LEKR1: variants seen among roughly 807,000 people sequenced by gnomAD.
The protein encoded by LEKR1 is leucine, glutamate and lysine rich 1.
Under a neutral mutation model 72.4 loss-of-function variants are expected in LEKR1, and 59 were observed. That is an observed-to-expected ratio of 0.82 (90% confidence interval 0.66 to 1.01). LEKR1 has a LOEUF of 1.01. LEKR1 is among the 50% of genes least tolerant of loss of function. The pLI is 0.00. For synonymous variants in LEKR1, 257 were observed against 263.2 expected, an observed-to-expected ratio of 0.98 and a Z score of 0.23; for missense variants, 728 against 759.2, an observed-to-expected ratio of 0.96 and a Z score of 0.48.
intron 3 of LEKR1, among the ~76,000 whole-genome samples, chr3:156,913,540 C>T (rs1431010477): frequency 2.1e-4 from 32 of 152,096 alleles, no homozygotes; most frequent in Admixed American, 2.1e-3. Context: ...AATTAACTTT[C>T]CCTGAAAGAA....
At chr3:156,891,040 T>G (rs908677948) in intron 3 of LEKR1, among the ~76,000 whole-genome samples, 1 of 150,900 alleles carries the variant, frequency 6.6e-6, no homozygotes, top group African/African-American at 2.4e-5. Flanking sequence ...TTTTTTTTTT[T>G]TTGTATTTTT....
chr3:156,972,051 T>C (rs1051277647), intron 6 of LEKR1, among the ~76,000 whole-genome samples: 2 of 152,198 alleles, frequency 1.3e-5, no homozygotes, highest in African/African-American at 4.8e-5. Context: ...TGTATGTTTA[T>C]TGCGGCACTA....
At chr3:156,982,736 C>T (rs1730305589) in intron 7 of LEKR1, among the ~76,000 whole-genome samples, 1 of 151,874 alleles carries the variant, frequency 6.6e-6, no homozygotes, top group Non-Finnish European at 1.5e-5. Context: ...GGAACACCTC[C>T]CTGAAATAAT....
Position 156,865,133 on chromosome 3 carries a change from G to A in LEKR1, c.263+12151G>A, listed in dbSNP as rs571730612. On this transcript the variant is annotated intron_variant, in intron 3 of 12. Transcript: ENST00000356539. Reference sequence around the variant, plus strand: ...TGAACTGTTTATCCTCTTTCTACTTGTGTTCTACCTGCTACTCTTGTGTTC... The same window carrying A: ...TGAACTGTTTATCCTCTTTCTACTTATGTTCTACCTGCTACTCTTGTGTTC... Among the ~76,000 whole-genome samples, 14 of 151,968 alleles carry A rather than the reference G, an allele frequency of 9.2e-5. No homozygotes were observed. In the South Asian group the frequency reaches 2.9e-3, roughly 32 times the overall value.
In LEKR1 at chr3:157,024,865, G is replaced by C. The variant is rs753415105; in HGVS notation, c.1309G>C (p.Glu437Gln). The C allele has an allele frequency of 2.5e-6, 4 of 1,608,566 alleles. No individual in the cohort carries two copies. The highest frequency in any genetic ancestry group is 3.4e-6 in the Non-Finnish European group (4 of 1,176,190). ...ETKLQLDIEK[E>Q]KHQDVIQKYK... ...AAAATTGCAACTTGATATTGAAAAA[G>C]AAAAACACCAAGATGTAATCCAAAA... Residue 437 changes from glutamate to glutamine, a missense_variant, in exon 11 of 13, where the codon GAA (glutamate) becomes CAA (glutamine). Coordinates refer to ENST00000356539, the MANE Select transcript of LEKR1 (RefSeq NM_001004316.3).
chr3:156,921,297 A>G (rs1345328711), intron 4 of LEKR1, among the ~76,000 whole-genome samples: 1 of 152,146 alleles, frequency 6.6e-6, no homozygotes. Flanking sequence ...GGAAGGCAAT[A>G]AGTTAATTCA....
At chr3:156,888,356 G>C (rs576407098) in intron 3 of LEKR1, 1 of 702,016 alleles carries the variant, frequency 1.4e-6, no homozygotes, top group African/African-American at 1.7e-5. Flanking sequence ...CTGAAAGAAC[G>C]AATGCCAGAT....
intron 9 of LEKR1, among the ~76,000 whole-genome samples, chr3:157,001,896 A>C (rs1232147197): frequency 6.6e-6 from 1 of 152,204 alleles, no homozygotes. Flanking sequence ...TGCCAGACAC[A>C]TAGTCAGCTC....
At chr3:156,927,384 T>G in intron 4 of LEKR1, 45 bp from the exon 5 acceptor site, 1 of 762,624 alleles carries the variant, frequency 1.3e-6, no homozygotes. Context: ...ATGTTTGTTA[T>G]GCTTACTATT....
At chr3:156,950,869 C>A (rs184733384) in intron 6 of LEKR1, among the ~76,000 whole-genome samples, 1 of 151,412 alleles carries the variant, frequency 6.6e-6, no homozygotes, top group African/African-American at 2.4e-5. Context: ...CTTTCTCTTG[C>A]CTGATTGCTC....
At chr3:156,831,453 C>T (rs1712390427) in intron 2 of LEKR1, among the ~76,000 whole-genome samples, 1 of 152,122 alleles carries the variant, frequency 6.6e-6, no homozygotes, top group Non-Finnish European at 1.5e-5. Context: ...ATAAAGTTCT[C>T]CCAAAGTTAG....
intron 2 of LEKR1, chr3:156,851,156 T>C (rs978448134): frequency 2.0e-5 from 3 of 152,164 alleles, no homozygotes; most frequent in Non-Finnish European, 4.4e-5. Context: ...GGAAAAAATT[T>C]AGAGAAATCT....
At chr3:156,989,105 A>C (rs1287473906) in intron 7 of LEKR1, among the ~76,000 whole-genome samples, 1 of 152,326 alleles carries the variant, frequency 6.6e-6, no homozygotes, top group East Asian at 1.9e-4. Flanking sequence ...CTGGGATTAC[A>C]GGTGTGAGCC....
intron 9 of LEKR1, among the ~76,000 whole-genome samples, chr3:156,998,300 A>G (rs1252797091): frequency 6.6e-6 from 1 of 152,178 alleles, no homozygotes; most frequent in Non-Finnish European, 1.5e-5. Flanking sequence ...TATGTCTTAA[A>G]TTCTCTATAA....
intron 6 of LEKR1, among the ~76,000 whole-genome samples, chr3:156,959,299 T>A (rs1481400135): frequency 6.6e-6 from 1 of 152,206 alleles, no homozygotes; most frequent in Admixed American, 6.5e-5. Flanking sequence ...TTAAAGAATA[T>A]ATTAGAAATC....
chr3:156,942,674 CT>C lies in LEKR1; in HGVS notation c.707del (p.Leu236CysfsTer13). ...GGACATCTAGACAACAGGAAGTAAACTTGCAAACCAGATGCTATGATTTGCA... is the reference window on the plus strand; with the variant it reads ...GGACATCTAGACAACAGGAAGTAAACTGCAAACCAGATGCTATGATTTGCA... Reference protein sequence around the residue: ...IRTSRQQEVNLQTRCYDLQKE... With the variant: ...IRTSRQQEVNXQTRCYDLQKE... On this transcript the variant is annotated frameshift_variant, in exon 6 of 13. Transcript: ENST00000356539. LOFTEE classifies it high-confidence loss of function. 6 of 1,264,470 alleles carry C rather than the reference CT, an allele frequency of 4.7e-6. No homozygotes were observed. The highest frequency in any genetic ancestry group is 3.2e-5 in the African/African-American group (2 of 63,440). 78.3% of individuals were successfully genotyped at this position (1,264,470 alleles called of 1,614,324 possible).
At chr3:156,871,332 A>C (rs1717922618) in intron 3 of LEKR1, among the ~76,000 whole-genome samples, 2 of 152,190 alleles carry the variant, frequency 1.3e-5, no homozygotes, top group African/African-American at 4.8e-5. Context: ...TATATGTGCC[A>C]CATTTTCTTA....
intron 10 of LEKR1, among the ~76,000 whole-genome samples, chr3:157,022,902 A>T (rs1733941737): frequency 6.6e-6 from 1 of 151,920 alleles, no homozygotes; most frequent in Non-Finnish European, 1.5e-5. Flanking sequence ...AGCCAAAATA[A>T]CTCTTTGCAT....
Position 156,852,695 on chromosome 3 carries a change from G to A in LEKR1, c.49-73G>A, listed in dbSNP as rs1331547071. 7.1e-6 allele frequency: 5 copies of A among 708,292 alleles called. No individual in the cohort carries two copies. In the Admixed American group the frequency reaches 1.5e-4, roughly 21 times the overall value. The allele number at this position is 708,292 out of a possible 1,614,324, so 43.9% of individuals were successfully genotyped here. A position where few individuals can be genotyped will look rare whatever the true frequency, so the allele number is the denominator to read the frequency against. ...GTATTTACTTCATTCAACCAGCATG[G>A]CTACAATATCTTCAGTTGAACTTGT... is the stretch of plus-strand genomic sequence containing the variant. On this transcript the variant is annotated intron_variant, in intron 2 of 12. Transcript: ENST00000356539.
Sources: gnomAD v4.1 joint callset for allele counts (sites outside exome capture counted in the v4.1 genomes callset) on GRCh38, gnomAD v4.1.1 for gene constraint, MANE v1.5 for transcripts, NCBI Gene and HGNC (gene_info 2026-07-23, HGNC 2026-07-21) for gene names.